CTBS: variants seen among roughly 807,000 people sequenced by gnomAD.
CTBS encodes di-N-acetylchitobiase.
In CTBS, 35 loss-of-function variants were observed where a neutral mutation model predicts 44.3. That is an observed-to-expected ratio of 0.79 (90% CI 0.60 to 1.05). The LOEUF is 1.05. Among genes scored for constraint, CTBS ranks in the 50% least tolerant of loss-of-function variants. The pLI is 0.00. For synonymous variants in CTBS, 143 were observed against 168.0 expected (o/e 0.85, Z 1.15); for missense variants, 458 against 475.3 (o/e 0.96, Z 0.34).
In CTBS at chr1:84,551,277, GAAT is replaced by G. The variant is rs1684262008; in HGVS notation, c.*3719_*3721del. The G allele has an allele frequency of 3.1e-6, 3 of 981,764 alleles. No individual in the cohort carries two copies. The highest frequency in any genetic ancestry group is 3.6e-6 in the Non-Finnish European group (3 of 826,836). 60.8% of individuals were successfully genotyped at this position (981,764 alleles called of 1,614,324 possible). A position where few individuals can be genotyped will look rare whatever the true frequency, so the allele number is the denominator to read the frequency against. ...TTATCAGAAACAGCTTTATGACACA[GAAT>G]AATGACTGCATTCTAGAATTAGCTC... On this transcript the variant is annotated 3_prime_UTR_variant, in exon 7 of 7. Coordinates refer to ENST00000370630, the MANE Select transcript of CTBS (RefSeq NM_004388.3).
chr1:84,563,438 C>A lies in CTBS; in HGVS notation c.796-20G>T. Reference sequence around the variant, plus strand: ...ATGATCCTAGAAATGCAAAAGTGCTCATGTTATATATTATCAATTATGCAA... The same window carrying A: ...ATGATCCTAGAAATGCAAAAGTGCTAATGTTATATATTATCAATTATGCAA... On this transcript the variant is annotated intron_variant, in intron 5 of 6. Coordinates refer to ENST00000370630, the MANE Select transcript of CTBS (RefSeq NM_004388.3). 2.1e-6 allele frequency: 3 copies of A among 1,459,860 alleles called. No homozygotes were observed. Among genetic ancestry groups the A allele is most frequent in the South Asian group, 1.6e-5 (1 of 64,342 alleles). The allele number at this position is 1,459,860 out of a possible 1,614,324, so 90.4% of individuals were successfully genotyped here.
chr1:84,553,031 A>G lies in CTBS; in HGVS notation c.*1968T>C. ...TCATTTTTGAAAAGTAATTCTTTTT[A>G]TAGATGAGAAAACAAGCAGTTTCAG... On this transcript the variant is annotated 3_prime_UTR_variant, in exon 7 of 7. Coordinates refer to ENST00000370630, the MANE Select transcript of CTBS (RefSeq NM_004388.3). 1 of 1,508,082 alleles carries G rather than the reference A, an allele frequency of 6.6e-7. No homozygotes were observed. The highest frequency in any genetic ancestry group is 8.9e-7 in the Non-Finnish European group (1 of 1,125,468). The allele number at this position is 1,508,082 out of a possible 1,614,324, so 93.4% of individuals were successfully genotyped here. A position where few individuals can be genotyped will look rare whatever the true frequency, so the allele number is the denominator to read the frequency against.
At position 84,555,100 on chromosome 1, in the gene CTBS, T is replaced by C; in HGVS notation, c.1057A>G (p.Met353Val). The change falls in exon 7 of 7, where the codon ATG (methionine) becomes GTG (valine). Residue 353 changes from methionine to valine, a missense_variant. Coordinates refer to ENST00000370630, the MANE Select transcript of CTBS (RefSeq NM_004388.3). Reference sequence around the variant, plus strand: ...TAGTCAAGACAGTTTGCATTCCACATGCCAATGCCCCGTAAGCGATAGTTT... The same window carrying C: ...TAGTCAAGACAGTTTGCATTCCACACGCCAATGCCCCGTAAGCGATAGTTT... ...IQNYRLRGIGMWNANCLDYSG... is the reference protein window; with the variant it reads ...IQNYRLRGIGVWNANCLDYSG... The C allele has an allele frequency of 6.2e-7, 1 of 1,613,948 alleles. No homozygotes were observed. Among genetic ancestry groups the C allele is most frequent in the Non-Finnish European group, 8.5e-7 (1 of 1,179,874 alleles).
intron 5 of CTBS, 86 bp downstream of exon 5, chr1:84,563,649 A>G: frequency 1.2e-6 from 1 of 830,444 alleles, no homozygotes; most frequent in Non-Finnish European, 1.8e-6. Flanking sequence ...CAGAGATTCT[A>G]AAGTTTATAT....
At chr1:84,559,803 G>A (rs1684552393) in intron 6 of CTBS, among the ~76,000 whole-genome samples, 1 of 152,098 alleles carries the variant, frequency 6.6e-6, no homozygotes, top group Non-Finnish European at 1.5e-5. Context: ...ACAATGTGTT[G>A]GCCAGGTGCA....
chr1:84,556,234 G>A (rs1684425990), intron 6 of CTBS, among the ~76,000 whole-genome samples: 1 of 152,052 alleles, frequency 6.6e-6, no homozygotes, highest in Non-Finnish European at 1.5e-5. Context: ...AAAAGGGAAA[G>A]GAGCAGATCT....
chr1:84,566,646 T>TG (rs1368192141), intron 3 of CTBS, among the ~76,000 whole-genome samples: 3 of 152,264 alleles, frequency 2.0e-5, no homozygotes, highest in Non-Finnish European at 2.9e-5. Flanking sequence ...CTTTCTTTTT[T>TG]GGGGGGGATG....
intron 6 of CTBS, among the ~76,000 whole-genome samples, chr1:84,556,724 A>AC (rs1368355593): frequency 6.6e-6 from 1 of 151,892 alleles, no homozygotes; most frequent in African/African-American, 2.4e-5. Flanking sequence ...AAAAAAAAAA[A>AC]AAAAGACCAC....
In CTBS at chr1:84,572,328, C is replaced by G. The variant is rs370404168; in HGVS notation, c.178-1608G>C. The stretch of plus-strand genomic sequence containing the variant: ...AAATTCATAATGTGAAATTAAGTGG[C>G]CCATTGTTTTCTGACTCATATTTCT... On this transcript the variant is annotated intron_variant, in intron 1 of 6. Transcript: ENST00000370630. Among the ~76,000 whole-genome samples, 8 of 151,302 alleles carry G rather than the reference C, an allele frequency of 5.3e-5. No individual in the cohort carries two copies. The East Asian group carries it at 1.5e-3, about 29-fold the overall frequency.
intron 4 of CTBS, 91 bp downstream of exon 4, chr1:84,565,750 A>G: frequency 1.4e-6 from 1 of 694,038 alleles, no homozygotes; most frequent in Admixed American, 4.4e-5. Context: ...AAACGTATAC[A>G]TATAACTTAG....
At chr1:84,567,680 A>T (rs892392067) in intron 3 of CTBS, among the ~76,000 whole-genome samples, 2 of 152,170 alleles carry the variant, frequency 1.3e-5, no homozygotes, top group South Asian at 2.1e-4. Context: ...CCCCCTCTAG[A>T]TTATCTAGTC....
At chr1:84,570,482 C>T in intron 2 of CTBS, 100 bp downstream of exon 2, 1 of 958,476 alleles carries the variant, frequency 1.0e-6, no homozygotes, top group East Asian at 2.4e-5. Context: ...CTAACAAAAA[C>T]AGATAAACAT....
At chr1:84,560,165 C>T (rs1684564684) in intron 6 of CTBS, among the ~76,000 whole-genome samples, 1 of 151,350 alleles carries the variant, frequency 6.6e-6, no homozygotes, top group East Asian at 1.9e-4. Context: ...ACTAGAATCC[C>T]TCTTCCCTAA....
Position 84,550,524 on chromosome 1 carries a change from A to C in CTBS, c.*4475T>G, listed in dbSNP as rs1322632928. 3.3e-6 allele frequency: 5 copies of C among 1,528,790 alleles called. No individual in the cohort carries two copies. Among genetic ancestry groups the C allele is most frequent in the Non-Finnish European group, 4.4e-6 (5 of 1,136,262 alleles). 94.7% of individuals were successfully genotyped at this position (1,528,790 alleles called of 1,614,324 possible). On this transcript the variant is annotated 3_prime_UTR_variant, in exon 7 of 7. Coordinates refer to ENST00000370630, the MANE Select transcript of CTBS (RefSeq NM_004388.3). ...CTGACAAAATGAAACTCATAGTAGA[A>C]GTTAAGGTAATTTACATTTTTCCTA...
rs1343783838 is a variant in CTBS at position 84,553,271 on chromosome 1, T to C, written c.*1728A>G. On this transcript the variant is annotated 3_prime_UTR_variant, in exon 7 of 7. Coordinates refer to ENST00000370630, the MANE Select transcript of CTBS (RefSeq NM_004388.3). Reference sequence around the variant, plus strand: ...TTCCATGTGGGTATTACAAAATGTTTCAGGAAATATTAGATGTAATATAAA... The same window carrying C: ...TTCCATGTGGGTATTACAAAATGTTCCAGGAAATATTAGATGTAATATAAA... 6.1e-6 allele frequency: 3 copies of C among 488,122 alleles called. No homozygotes were observed. Among genetic ancestry groups the C allele is most frequent in the East Asian group, 3.6e-5 (1 of 27,684 alleles). The allele number at this position is 488,122 out of a possible 1,614,324, so 30.2% of individuals were successfully genotyped here.
intron 3 of CTBS, among the ~76,000 whole-genome samples, chr1:84,567,736 AT>A (rs201839008): frequency 0.013 from 1,938 of 152,098 alleles, 36 homozygotes; most frequent in African/African-American, 0.043. Context: ...CCATTTTCTG[AT>A]TCTTTCTTCC....
At position 84,570,667 on chromosome 1, in the gene CTBS, C is replaced by G; in HGVS notation, c.231G>C (p.Gln77His). Residue 77 changes from glutamine to histidine, a missense_variant, in exon 2 of 7, where the codon CAG (glutamine) becomes CAC (histidine). Transcript: ENST00000370630. ...QKTWKSYDWS[Q>H]ITTVATFGKY... ...TTCCAAATGTTGCCACAGTTGTAAT[C>G]TGTGACCAATCATAAGATTTCCAAG... The G allele has an allele frequency of 1.9e-6, 3 of 1,614,024 alleles. No individual in the cohort carries two copies. Among genetic ancestry groups the G allele is most frequent in the South Asian group, 1.1e-5 (1 of 91,076 alleles).
intron 1 of CTBS, among the ~76,000 whole-genome samples, chr1:84,572,228 A>AT (rs201904839): frequency 1.2e-4 from 18 of 151,992 alleles, no homozygotes; most frequent in Non-Finnish European, 2.5e-4. Context: ...ATTTTTTTTA[A>AT]TTTTTTTTAA....
In CTBS at chr1:84,550,473, T is replaced by C. The variant is rs771350831; in HGVS notation, c.*4526A>G. 1.3e-4 allele frequency: 198 copies of C among 1,569,616 alleles called. 2 individuals carry two copies. The Admixed American group carries it at 3.5e-3, about 28-fold the overall frequency. ...AGATCACTGAGGTACAGCATGCAAT[T>C]GACCAGCTTAAGAGAAAACTAGATA... On this transcript the variant is annotated 3_prime_UTR_variant, in exon 7 of 7. Transcript: ENST00000370630.
Sources: gnomAD v4.1 joint callset for allele counts (sites outside exome capture counted in the v4.1 genomes callset) on GRCh38, gnomAD v4.1.1 for gene constraint, MANE v1.5 for transcripts, NCBI Gene and HGNC (gene_info 2026-07-23, HGNC 2026-07-21) for gene names.